Variants in PLEKHG4B observed in about 807,000 individuals in gnomAD.
PLEKHG4B encodes the protein pleckstrin homology domain-containing family G member 4B.
Under a neutral mutation model 121.3 loss-of-function variants are expected in PLEKHG4B, and 111 were observed. That is an observed-to-expected ratio of 0.92 (90% CI 0.78 to 1.07). The LOEUF (loss-of-function observed/expected upper bound fraction) is 1.07, where lower values mean the gene tolerates loss of function less well. Ranked by LOEUF, PLEKHG4B falls within the 50% of genes least tolerant of loss-of-function variation. PLEKHG4B has a pLI of 0.00. For missense variants in PLEKHG4B, 1,831 were observed against 1,757.8 expected (o/e 1.04, Z -0.74); for synonymous variants, 738 against 725.0 (o/e 1.02, Z -0.29).
At chr5:134,038 A>G (rs1007808488) in intron 2 of PLEKHG4B, among the ~76,000 whole-genome samples, 3 of 141,916 alleles carry the variant, frequency 2.1e-5, no homozygotes, top group African/African-American at 5.2e-5. Flanking sequence ...ATATATATAG[A>G]TAGAATATAT....
rs1305275466 is a variant in PLEKHG4B at position 184,580 on chromosome 5, CA to C, written c.*2258del. ...ACAAGAAATGTTAAATGATGTGCTT[CA>C]GGGAAAAGAAAAATGAAGAGCATGT... On this transcript the variant is annotated 3_prime_UTR_variant, in exon 20 of 20. Transcript: ENST00000637938. The C allele has an allele frequency of 8.5e-5, 13 of 152,352 alleles. No individual in the cohort carries two copies. The highest frequency in any genetic ancestry group is 3.1e-4 in the African/African-American group (13 of 41,580). The allele number at this position is 152,352 out of a possible 1,614,324, so 9.4% of individuals were successfully genotyped here.
intron 17 of PLEKHG4B, 63 bp downstream of exon 17, chr5:173,130 C>T (rs957062550): frequency 6.6e-7 from 1 of 1,514,002 alleles, no homozygotes; most frequent in Non-Finnish European, 9.1e-7. Context: ...GGTCTCGGAC[C>T]CTTGTCTCAC....
intron 14 of PLEKHG4B, among the ~76,000 whole-genome samples, chr5:170,721 C>T (rs1234202611): frequency 6.6e-6 from 1 of 152,112 alleles, no homozygotes; most frequent in African/African-American, 2.4e-5. Flanking sequence ...CATTCCAATG[C>T]CCCCCACGCC....
chr5:143,456 C>G lies in PLEKHG4B; in HGVS notation c.1764C>G (p.Ser588=), dbSNP rs201197920. The G allele has an allele frequency of 4.3e-6, 7 of 1,612,788 alleles. No individual in the cohort carries two copies. Among genetic ancestry groups the G allele is most frequent in the South Asian group, 1.1e-5 (1 of 91,082 alleles). ...RSLLWTREHS[S]CAELTRLLLY... is the part of the protein sequence containing the mutation. ...TGCTCTGGACCAGGGAACACTCGTC[C>G]TGTGCTGAGCTGACCCGCCTGCTGC... Residue 588 remains serine (S), a synonymous_variant, in exon 5 of 20, where the codon TCC becomes TCG. Transcript: ENST00000637938.
At chr5:133,922 GCACA>G (rs776876090) in intron 2 of PLEKHG4B, among the ~76,000 whole-genome samples, 7 of 140,926 alleles carry the variant, frequency 5.0e-5, no homozygotes, top group Non-Finnish European at 1.1e-4. Flanking sequence ...TGACACACAC[GCACA>G]CACACACACA....
chr5:124,260 A>G (rs1344759414), intron 2 of PLEKHG4B, among the ~76,000 whole-genome samples: 2 of 152,130 alleles, frequency 1.3e-5, no homozygotes, highest in African/African-American at 4.8e-5. Context: ...GGCCTAACAT[A>G]TGTTCTACCC....
chr5:142,740 T>C (rs1332494374), intron 3 of PLEKHG4B, among the ~76,000 whole-genome samples: 1 of 152,194 alleles, frequency 6.6e-6, no homozygotes, highest in African/African-American at 2.4e-5. Flanking sequence ...CAGTCACGCA[T>C]GCTGCACTTT....
At chr5:164,651 ACGGG>A in intron 13 of PLEKHG4B, among the ~76,000 whole-genome samples, 8 of 121,014 alleles carry the variant, frequency 6.6e-5, no homozygotes, top group East Asian at 4.9e-4. Context: ...TAATGCTCTG[ACGGG>A]CGGAGCTCAC....
intron 11 of PLEKHG4B, 82 bp from the exon 12 acceptor site, chr5:161,701 C>T (rs1054639576): frequency 3.1e-6 from 5 of 1,592,384 alleles, no homozygotes; most frequent in Non-Finnish European, 4.3e-6. Context: ...GTGCCAGTGG[C>T]TACACGCAGA....
At position 161,891 on chromosome 5, in the gene PLEKHG4B, T is replaced by C. The variant is rs769424753; in HGVS notation, c.2596T>C (p.Cys866Arg). ...GAGCGCCGTGGTCAGCCAGGCTGAG[T>C]GCAGGGAGGGAGAGCTGGCCAGGTG... ...GLSAVVSQAE[C>R]REGELARWTR... Residue 866 changes from cysteine (C) to arginine (R), a missense_variant, in exon 12 of 20, where the codon TGC becomes CGC. Transcript: ENST00000637938. The C allele has an allele frequency of 1.9e-6, 3 of 1,613,420 alleles. No individual in the cohort carries two copies. The African/African-American group carries it at 4.0e-5, about 22-fold the overall frequency.
chr5:162,760 T>TCCCTCCTCACCCGTGGCTGAGTGTTTGA lies in PLEKHG4B; in HGVS notation c.2689_2716dup (p.Arg906ThrfsTer7). ...TGGGGCCCCTGGACCCGGAGGCTTG[T>TCCCTCCTCACCCGTGGCTGAGTGTTTGA]CCCTCCTCACCCGTGGCTGAGTGTT... On this transcript the variant is annotated frameshift_variant, in exon 13 of 20. Coordinates refer to ENST00000637938, the MANE Select transcript of PLEKHG4B (RefSeq NM_052909.5). LOFTEE classifies it high-confidence loss of function. 6.8e-7 allele frequency: 1 copy of TCCCTCCTCACCCGTGGCTGAGTGTTTGA among 1,469,416 alleles called. No homozygotes were observed. The highest frequency in any genetic ancestry group is 9.0e-7 in the Non-Finnish European group (1 of 1,110,194). The allele number at this position is 1,469,416 out of a possible 1,614,324, so 91.0% of individuals were successfully genotyped here.
chr5:132,384 T>C (rs1437107705), intron 2 of PLEKHG4B, among the ~76,000 whole-genome samples: 1 of 152,252 alleles, frequency 6.6e-6, no homozygotes, highest in Admixed American at 6.5e-5. Context: ...GTGCAGAAGC[T>C]TTTTACTTTA....
rs374545560 is a variant in PLEKHG4B, at chr5:163,266, A to G, written c.3194A>G (p.Gln1065Arg). ...TCTGCCTGTTCCTCTGAGCCCACCCAGACCCTGGCCAGCCGCCCCAGGAAA... is the reference window on the plus strand; with the variant it reads ...TCTGCCTGTTCCTCTGAGCCCACCCGGACCCTGGCCAGCCGCCCCAGGAAA... ...DSSACSSEPT[Q>R]TLASRPRKHP... The change falls in exon 13 of 20, where the codon CAG becomes CGG. Residue 1065 changes from glutamine to arginine, a missense_variant. Transcript: ENST00000637938. The G allele has an allele frequency of 1.1e-4, 179 of 1,612,684 alleles. No individual in the cohort carries two copies. The highest frequency in any genetic ancestry group is 1.5e-4 in the Non-Finnish European group (173 of 1,179,856).
chr5:130,066 AGAGT>A (rs146737089), intron 2 of PLEKHG4B, among the ~76,000 whole-genome samples: 9,393 of 152,102 alleles, frequency 0.062, 416 homozygotes, highest in Non-Finnish European at 0.09. Context: ...ATATGAAGAG[AGAGT>A]GAGAGAGAGA....
chr5:96,782 T>C (rs1444832960), intron 1 of PLEKHG4B, among the ~76,000 whole-genome samples: 1 of 151,818 alleles, frequency 6.6e-6, no homozygotes. Context: ...AAGAAAAGCA[T>C]AGGGAAGGGG....
chr5:165,011 CAG>C (rs1423500522), intron 13 of PLEKHG4B, among the ~76,000 whole-genome samples: 1 of 74,570 alleles, frequency 1.3e-5, no homozygotes, highest in Non-Finnish European at 3.2e-5. Context: ...GCAGGGCTCA[CAG>C]TAATGCTCTG....
Position 157,785 on chromosome 5 carries a change from T to C in PLEKHG4B, c.2487+874T>C, listed in dbSNP as rs946697095. ...TTTTATATAAATCCTTATTATTTTA[T>C]CAACAACTATTGCTGCGATGAATGT... On this transcript the variant is annotated intron_variant, in intron 11 of 19. Transcript: ENST00000637938. The surrounding 1 kb of genome is among the most constrained non-coding windows in gnomAD (Gnocchi z 4.6). 2.0e-5 allele frequency among the ~76,000 whole-genome samples: 3 copies of C among 152,190 alleles called. No individual in the cohort carries two copies. Among genetic ancestry groups the C allele is most frequent in the African/African-American group, 7.2e-5 (3 of 41,438 alleles).
At chr5:170,509 C>T (rs573479192) in intron 14 of PLEKHG4B, among the ~76,000 whole-genome samples, 8 of 152,214 alleles carry the variant, frequency 5.3e-5, no homozygotes, top group Non-Finnish European at 8.8e-5. Context: ...ACCATGCTGG[C>T]GAGGCTGGTC....
chr5:173,804 C>G (rs1188306027), intron 17 of PLEKHG4B, 114 bp from the exon 18 acceptor site: 6 of 1,246,612 alleles, frequency 4.8e-6, no homozygotes, highest in Non-Finnish European at 5.5e-6. Context: ...CCATCCCACA[C>G]ATTTGTCATT....
Sources: gnomAD v4.1 joint callset for allele counts (sites outside exome capture counted in the v4.1 genomes callset) on GRCh38, gnomAD v4.1.1 for gene constraint, Gnocchi (gnomAD v3.1) non-coding constraint, MANE v1.5 for transcripts, NCBI Gene and HGNC (gene_info 2026-07-23, HGNC 2026-07-21) for gene names.